The following ADAM7 variants were observed in gnomAD, a reference collection of about 807,000 sequenced individuals.
The protein encoded by ADAM7 is ADAM metallopeptidase domain 7.
ADAM7 carries 97 observed loss-of-function variants against 102.9 expected under a neutral mutation model. That is an observed-to-expected ratio of 0.94 (90% CI 0.80 to 1.12). The LOEUF (loss-of-function observed/expected upper bound fraction) is 1.12. Among genes scored for constraint, ADAM7 ranks in the 50% most tolerant of loss-of-function variants. The pLI, the probability that ADAM7 is intolerant of heterozygous loss-of-function variation, is 0.00. For missense variants in ADAM7, 991 were observed against 908.7 expected, an observed-to-expected ratio of 1.09 and a Z score of -1.16; for synonymous variants, 334 against 304.4, an observed-to-expected ratio of 1.10 and a Z score of -1.01.
rs79316699 is a variant in ADAM7, at chr8:24,486,303, A to C, written c.961-884A>C. Reference sequence around the variant, plus strand: ...ATTAACATAGAAATTAAAGCATATAATGGAACTATGAGCCAAGTTAACCAA... The same window carrying C: ...ATTAACATAGAAATTAAAGCATATACTGGAACTATGAGCCAAGTTAACCAA... On this transcript the variant is annotated intron_variant, in intron 10 of 21. Transcript: ENST00000175238. Among the ~76,000 whole-genome samples, 401 of 152,330 alleles carry C rather than the reference A, an allele frequency of 2.6e-3. 1 individual carries two copies. Among genetic ancestry groups the C allele is most frequent in the African/African-American group, 9.3e-3 (386 of 41,580 alleles).
chr8:24,460,755 G>A (rs370154961), intron 3 of ADAM7, among the ~76,000 whole-genome samples: 4 of 134,462 alleles, frequency 3.0e-5, no homozygotes, highest in African/African-American at 1.0e-4. Flanking sequence ...GTATGTATGT[G>A]TGTGTGTGTG....
chr8:24,487,260 A>T lies in ADAM7; in HGVS notation c.1034A>T (p.His345Leu). ...HQLGHNLGMQ[H>L]DEFPCTCPSG... ...CTGGGGCATAACCTTGGGATGCAGCATGACGAGTTCCCATGCACCTGTCCT... is the reference window on the plus strand; with the variant it reads ...CTGGGGCATAACCTTGGGATGCAGCTTGACGAGTTCCCATGCACCTGTCCT... The change falls in exon 11 of 22, where the codon CAT becomes CTT. Residue 345 changes from histidine (H) to leucine (L), a missense_variant. Coordinates refer to ENST00000175238, the MANE Select transcript of ADAM7 (RefSeq NM_003817.4). 1 of 1,613,994 alleles carries T rather than the reference A, an allele frequency of 6.2e-7. No individual in the cohort carries two copies.
At chr8:24,468,923 A>G (rs1172637749) in intron 7 of ADAM7, 103 bp downstream of exon 7, 14 of 1,098,702 alleles carry the variant, frequency 1.3e-5, no homozygotes, top group Non-Finnish European at 2.6e-6. Context: ...GTTCTATTCT[A>G]GGCTCAAAGT....
At position 24,466,872 on chromosome 8, in the gene ADAM7, G is replaced by T; in HGVS notation, c.463G>T (p.Val155Leu). Reference protein sequence around the residue: ...VKYSDEGEHLVFKYNLRVPYG... With the variant: ...VKYSDEGEHLLFKYNLRVPYG... The stretch of plus-strand genomic sequence containing the variant: ...ATACTCAGATGAGGGAGAACATTTG[G>T]TGTTCAAATATAACCTGAGGGTGCC... The change falls in exon 6 of 22, where the codon GTG becomes TTG. Residue 155 changes from valine to leucine, a missense_variant. Physicochemically the swap from Val to Leu is conservative, Grantham distance 32 (BLOSUM62 1). Coordinates refer to ENST00000175238, the MANE Select transcript of ADAM7 (RefSeq NM_003817.4). 3 of 1,613,978 alleles carry T rather than the reference G, an allele frequency of 1.9e-6. No individual in the cohort carries two copies. Among genetic ancestry groups the T allele is most frequent in the Non-Finnish European group, 2.5e-6 (3 of 1,179,890 alleles).
At chr8:24,508,489 C>G (rs1407126060) in intron 21 of ADAM7, 57 bp from the exon 22 acceptor site, 1 of 1,546,386 alleles carries the variant, frequency 6.5e-7, no homozygotes, top group African/African-American at 1.4e-5. Context: ...AATGGAAATA[C>G]ATGGTTCACA....
chr8:24,493,308 C>A, intron 16 of ADAM7, 79 bp downstream of exon 16: 4 of 1,310,190 alleles, frequency 3.1e-6, no homozygotes, highest in South Asian at 1.8e-5. Flanking sequence ...GTAATTGCTT[C>A]CAAAGAGGTC....
rs981936778 is a variant in ADAM7, at chr8:24,457,725, C to T, written c.234-6157C>T. Among the ~76,000 whole-genome samples the T allele has an allele frequency of 1.9e-4, 29 of 152,178 alleles. No individual in the cohort carries two copies. In the South Asian group the frequency reaches 2.1e-3, roughly 11 times the overall value. On this transcript the variant is annotated intron_variant, in intron 3 of 21. Transcript: ENST00000175238. ...TATCAGTTTCTTTCTTTATGGTCAT[C>T]ATTTTCTAGGACCTAAGAAAAATTG... is the stretch of plus-strand genomic sequence containing the variant.
At chr8:24,484,564 T>C (rs1036572750) in intron 9 of ADAM7, among the ~76,000 whole-genome samples, 1 of 152,172 alleles carries the variant, frequency 6.6e-6, no homozygotes, top group Non-Finnish European at 1.5e-5. Context: ...GTCTTAACAT[T>C]TTTCAATTGT....
rs1821043494 is a variant in ADAM7 at position 24,509,352 on chromosome 8, G to A, written c.*806G>A. The A allele has an allele frequency of 2.0e-6, 2 of 985,242 alleles. No individual in the cohort carries two copies. The highest frequency in any genetic ancestry group is 1.2e-4 in the Admixed American group (2 of 16,240). The allele number at this position is 985,242 out of a possible 1,614,324, so 61.0% of individuals were successfully genotyped here. A position where few individuals can be genotyped will look rare whatever the true frequency, so the allele number is the denominator to read the frequency against. On this transcript the variant is annotated 3_prime_UTR_variant, in exon 22 of 22. Coordinates refer to ENST00000175238, the MANE Select transcript of ADAM7 (RefSeq NM_003817.4). ...GTCTCTGCCCTCTCCCTATCCGTTT[G>A]TTATGGGATGGGGGATTACCCTGGG...
chr8:24,447,978 A>ACG (rs1818629590), intron 3 of ADAM7, among the ~76,000 whole-genome samples: 2 of 142,582 alleles, frequency 1.4e-5, no homozygotes, highest in South Asian at 4.4e-4. Flanking sequence ...ACACACACAC[A>ACG]CACACAATCC....
In ADAM7 at chr8:24,451,016, G is replaced by A. The variant is rs1254486548; in HGVS notation, c.233+3754G>A. On this transcript the variant is annotated intron_variant, in intron 3 of 21. Coordinates refer to ENST00000175238, the MANE Select transcript of ADAM7 (RefSeq NM_003817.4). The stretch of plus-strand genomic sequence containing the variant: ...GGATGAAGCCCACTTGATCATGGTG[G>A]ATAAGCTTTTTGATGTGCTGCTGGA... Among the ~76,000 whole-genome samples the A allele has an allele frequency of 5.9e-5, 9 of 152,112 alleles. No homozygotes were observed. The South Asian group carries it at 1.9e-3, about 32-fold the overall frequency.
chr8:24,477,853 C>T (rs763658766), intron 8 of ADAM7, among the ~76,000 whole-genome samples: 1 of 152,054 alleles, frequency 6.6e-6, no homozygotes, highest in South Asian at 2.1e-4. Flanking sequence ...GTTGGGCCAA[C>T]AAGATTCTTT....
intron 4 of ADAM7, among the ~76,000 whole-genome samples, chr8:24,465,300 T>C (rs559837956): frequency 1.6e-4 from 24 of 152,102 alleles, no homozygotes; most frequent in Non-Finnish European, 2.5e-4. Context: ...GGGCAGAGCA[T>C]CAAGTAGGGA....
chr8:24,453,556 AT>A (rs1236793203), intron 3 of ADAM7, among the ~76,000 whole-genome samples: 9 of 151,874 alleles, frequency 5.9e-5, no homozygotes, highest in Non-Finnish European at 1.2e-4. Flanking sequence ...ACTCATCTAA[AT>A]TTTTTTCAAA....
At chr8:24,454,153 A>ATGC (rs1235071206) in intron 3 of ADAM7, among the ~76,000 whole-genome samples, 7 of 152,222 alleles carry the variant, frequency 4.6e-5, no homozygotes, top group Non-Finnish European at 7.3e-5. Context: ...CTCCAGCTGC[A>ATGC]TGCTGGGAGA....
chr8:24,447,552 T>C (rs1027234779), intron 3 of ADAM7, among the ~76,000 whole-genome samples: 6 of 152,170 alleles, frequency 3.9e-5, no homozygotes, highest in African/African-American at 1.4e-4. Flanking sequence ...CATTACTGTG[T>C]TGGGAATCAG....
chr8:24,487,346 C>T, intron 11 of ADAM7, 29 bp downstream of exon 11: 1 of 1,608,134 alleles, frequency 6.2e-7, no homozygotes, highest in Non-Finnish European at 8.5e-7. Flanking sequence ...ACAGAATACA[C>T]TTACATAATT....
intron 2 of ADAM7, 47 bp downstream of exon 2, chr8:24,442,623 T>C (rs746631888): frequency 1.4e-6 from 2 of 1,433,216 alleles, no homozygotes; most frequent in African/African-American, 1.4e-5. Context: ...TTCACAGGCA[T>C]GTAGACAGTT....
At chr8:24,447,372 T>C (rs1312006202) in intron 3 of ADAM7, 110 bp downstream of exon 3, 1 of 479,254 alleles carries the variant, frequency 2.1e-6, no homozygotes, top group East Asian at 3.4e-5. Flanking sequence ...TTGCACGTAA[T>C]CTGAATTTTT....
Sources: gnomAD v4.1 joint callset for allele counts (sites outside exome capture counted in the v4.1 genomes callset) on GRCh38, gnomAD v4.1.1 for gene constraint, MANE v1.5 for transcripts, NCBI Gene and HGNC (gene_info 2026-07-23, HGNC 2026-07-21) for gene names.